The following AMPH variants were observed in gnomAD, a reference collection of about 807,000 sequenced individuals.
The protein encoded by AMPH is amphiphysin.
AMPH carries 49 observed loss-of-function variants against 99.1 expected under a neutral mutation model. The ratio of observed to expected loss-of-function variants is 0.49; its 90% CI spans 0.39 to 0.63. The LOEUF (loss-of-function observed/expected upper bound fraction) is 0.63, where lower values mean the gene tolerates loss of function less well. Ranked by LOEUF, AMPH falls within the 20% of genes least tolerant of loss-of-function variation. AMPH has a pLI of 0.00. For missense variants in AMPH, 759 were observed against 863.4 expected (o/e 0.88, Z 1.52); for synonymous variants, 314 against 317.3 (o/e 0.99, Z 0.11).
intron 2 of AMPH, among the ~76,000 whole-genome samples, chr7:38,532,617 ATGC>A (rs1790447952): frequency 6.6e-6 from 1 of 152,146 alleles, no homozygotes. Context: ...AAGTCACCAC[ATGC>A]TGCTGCTGCT....
intron 11 of AMPH, among the ~76,000 whole-genome samples, chr7:38,440,691 G>A (rs1786471963): frequency 6.6e-6 from 1 of 152,036 alleles, no homozygotes; most frequent in African/African-American, 2.4e-5. Context: ...TACCTTAAAT[G>A]ACATCATATA....
At chr7:38,605,219 G>A (rs1793391708) in intron 1 of AMPH, among the ~76,000 whole-genome samples, 1 of 152,168 alleles carries the variant, frequency 6.6e-6, no homozygotes, top group South Asian at 2.1e-4. Flanking sequence ...GAGAGGAAAG[G>A]TGAGGGGACG....
chr7:38,431,753 A>G (rs1786038451), intron 13 of AMPH, among the ~76,000 whole-genome samples: 1 of 152,214 alleles, frequency 6.6e-6, no homozygotes, highest in African/African-American at 2.4e-5. Context: ...CTAAAACTCA[A>G]GTTCTTATTA....
intron 1 of AMPH, among the ~76,000 whole-genome samples, chr7:38,546,509 G>T (rs1224009490): frequency 6.6e-6 from 1 of 152,106 alleles, no homozygotes; most frequent in African/African-American, 2.4e-5. Context: ...GATTAACATG[G>T]ATATTTTATA....
chr7:38,402,643 G>C (rs2128980376), intron 17 of AMPH, among the ~76,000 whole-genome samples: 1 of 152,320 alleles, frequency 6.6e-6, no homozygotes, highest in Non-Finnish European at 1.5e-5. Flanking sequence ...AGTAGCAGCA[G>C]GCCCCAAATG....
At chr7:38,470,062 C>T (rs1254737118) in intron 7 of AMPH, among the ~76,000 whole-genome samples, 1 of 152,158 alleles carries the variant, frequency 6.6e-6, no homozygotes, top group Admixed American at 6.5e-5. Context: ...CTTTATCAAG[C>T]TTGGGCCCTG....
At chr7:38,595,003 G>T (rs77048786) in intron 1 of AMPH, among the ~76,000 whole-genome samples, 2,632 of 152,310 alleles carry the variant, frequency 0.017, 77 homozygotes, top group African/African-American at 0.06. Flanking sequence ...CATGTGAAAT[G>T]TACCAGAAAG....
rs1332245146 is a variant in AMPH, at chr7:38,384,934, C to T, written c.1981-9G>A. 6.2e-6 allele frequency: 10 copies of T among 1,612,264 alleles called. No individual in the cohort carries two copies. The highest frequency in any genetic ancestry group is 1.3e-5 in the African/African-American group (1 of 74,840). The stretch of plus-strand genomic sequence containing the variant: ...ACCAGCCAGCCTGCATCCTGAAAAA[C>T]AATGACAGAACTTTCAGGGTCCAGC... On this transcript the variant is annotated splice_polypyrimidine_tract_variant and intron_variant, in intron 20 of 20. Coordinates refer to ENST00000356264, the MANE Select transcript of AMPH (RefSeq NM_001635.4).
intron 11 of AMPH, among the ~76,000 whole-genome samples, chr7:38,439,573 CA>C (rs1173479124): frequency 6.6e-6 from 1 of 152,180 alleles, no homozygotes; most frequent in African/African-American, 2.4e-5. Context: ...CTTAACAAGA[CA>C]AATGAATCCT....
rs1458216867 is a variant in AMPH, at chr7:38,384,588, C to A, written c.*230G>T. 4.5e-6 allele frequency: 2 copies of A among 440,072 alleles called. No individual in the cohort carries two copies. The highest frequency in any genetic ancestry group is 6.7e-5 in the South Asian group (2 of 29,746). 27.3% of individuals were successfully genotyped at this position (440,072 alleles called of 1,614,324 possible). ...GAGTCTCCACAGCTTGGACAAAGCA[C>A]AAACAAACCTGTTATTGACAACATG... On this transcript the variant is annotated 3_prime_UTR_variant, in exon 21 of 21. Transcript: ENST00000356264.
At chr7:38,427,129 T>C (rs1785807768) in intron 14 of AMPH, 143 bp from the exon 15 acceptor site, 1 of 677,632 alleles carries the variant, frequency 1.5e-6, no homozygotes, top group Admixed American at 2.8e-5. Context: ...ATGAAAGAAC[T>C]TAGGAAATGC....
chr7:38,555,795 T>C (rs1247279867), intron 1 of AMPH, among the ~76,000 whole-genome samples: 1 of 152,246 alleles, frequency 6.6e-6, no homozygotes, highest in African/African-American at 2.4e-5. Flanking sequence ...TTTTTTCTCA[T>C]AATTTGTAGT....
chr7:38,543,433 A>T (rs972056232), intron 1 of AMPH, among the ~76,000 whole-genome samples: 1 of 152,192 alleles, frequency 6.6e-6, no homozygotes, highest in African/African-American at 2.4e-5. Context: ...TGAAGCAGAT[A>T]GATAGAATAT....
chr7:38,486,489 G>T (rs1788498828), intron 5 of AMPH, among the ~76,000 whole-genome samples: 1 of 151,872 alleles, frequency 6.6e-6, no homozygotes, highest in Non-Finnish European at 1.5e-5. Context: ...AGCTTCATTG[G>T]CAAATTCTAC....
intron 1 of AMPH, among the ~76,000 whole-genome samples, chr7:38,594,946 A>G (rs972959573): frequency 6.6e-6 from 1 of 152,164 alleles, no homozygotes; most frequent in Non-Finnish European, 1.5e-5. Flanking sequence ...CAAGGGGGGG[A>G]AAGAATTTTA....
chr7:38,516,198 G>C (rs577713595), intron 2 of AMPH, among the ~76,000 whole-genome samples: 1 of 152,198 alleles, frequency 6.6e-6, no homozygotes, highest in Admixed American at 6.5e-5. Context: ...AAGACAATGG[G>C]GAAAATGCCT....
At chr7:38,572,389 A>G (rs1157553351) in intron 1 of AMPH, among the ~76,000 whole-genome samples, 1 of 152,194 alleles carries the variant, frequency 6.6e-6, no homozygotes, top group Non-Finnish European at 1.5e-5. Flanking sequence ...AGGTGCTACC[A>G]TCTAGGTCTG....
chr7:38,599,706 A>G (rs1185305790), intron 1 of AMPH, among the ~76,000 whole-genome samples: 6 of 152,098 alleles, frequency 3.9e-5, no homozygotes, highest in African/African-American at 1.4e-4. Context: ...CTATGTTCTT[A>G]TACATCAAAT....
At chr7:38,628,477 T>A (rs1794335231) in intron 1 of AMPH, among the ~76,000 whole-genome samples, 1 of 152,184 alleles carries the variant, frequency 6.6e-6, no homozygotes, top group African/African-American at 2.4e-5. Context: ...TATTTCCATA[T>A]AGAAACACTG....
Sources: gnomAD v4.1 joint callset for allele counts (sites outside exome capture counted in the v4.1 genomes callset) on GRCh38, gnomAD v4.1.1 for gene constraint, MANE v1.5 for transcripts, NCBI Gene and HGNC (gene_info 2026-07-23, HGNC 2026-07-21) for gene names.